The following ALAS1 variants were observed in gnomAD, a reference collection of about 807,000 sequenced individuals.
ALAS1 encodes 5'-aminolevulinate synthase 1.
In ALAS1, 29 loss-of-function variants were observed where a neutral mutation model predicts 59.6. The observed-to-expected ratio is 0.49, with a 90% confidence interval of 0.36 to 0.66. The LOEUF is 0.66. ALAS1 is among the 30% of genes least tolerant of loss of function. The pLI is 0.00. For synonymous variants in ALAS1, 299 were observed against 296.6 expected (o/e 1.01, Z -0.08); for missense variants, 690 against 807.5 (o/e 0.85, Z 1.76).
Position 52,214,059 on chromosome 3 carries a change from T to C in ALAS1, c.1802T>C (p.Leu601Pro). The change falls in exon 12 of 12, where the codon CTG becomes CCG. Residue 601 changes from leucine to proline, a missense_variant. Physicochemically the swap from Leu to Pro is moderately conservative, Grantham distance 98 (BLOSUM62 -3). Transcript: ENST00000484952. ...LVTWKQVGLELKPHSSAECNF... is the reference protein window; with the variant it reads ...LVTWKQVGLEPKPHSSAECNF... Reference sequence around the variant, plus strand: ...ACATGGAAGCAAGTGGGGCTGGAACTGAAGCCTCATTCCTCAGCTGAGTGC... The same window carrying C: ...ACATGGAAGCAAGTGGGGCTGGAACCGAAGCCTCATTCCTCAGCTGAGTGC... 1 of 1,612,814 alleles carries C rather than the reference T, an allele frequency of 6.2e-7. No homozygotes were observed. The highest frequency in any genetic ancestry group is 8.5e-7 in the Non-Finnish European group (1 of 1,178,800).
Position 52,205,844 on chromosome 3 carries a change from C to G in ALAS1, c.806C>G (p.Thr269Ser), listed in dbSNP as rs761933930. 3 of 1,607,176 alleles carry G rather than the reference C, an allele frequency of 1.9e-6. No homozygotes were observed. The highest frequency in any genetic ancestry group is 2.6e-6 in the Non-Finnish European group (3 of 1,176,026). The change falls in exon 7 of 12, where the codon ACT becomes AGT. Residue 269 changes from threonine (T) to serine (S), a missense_variant. Coordinates refer to ENST00000484952, the MANE Select transcript of ALAS1 (RefSeq NM_000688.6). ...HPRVCGAVMDTLKQHGAGAGG... is the reference protein window; with the variant it reads ...HPRVCGAVMDSLKQHGAGAGG... Reference sequence around the variant, plus strand: ...TTGTTTGTATTTTTAAACAGGGACACTTTGAAACAACATGGTGCTGGGGCA... The same window carrying G: ...TTGTTTGTATTTTTAAACAGGGACAGTTTGAAACAACATGGTGCTGGGGCA...
rs949059334 is a variant in ALAS1, at chr3:52,198,901, C to T, written c.-33+53C>T. The T allele has an allele frequency of 8.5e-6, 13 of 1,520,632 alleles. No homozygotes were observed. The African/African-American group carries it at 1.8e-4, about 21-fold the overall frequency. The allele number at this position is 1,520,632 out of a possible 1,614,324, so 94.2% of individuals were successfully genotyped here. On this transcript the variant is annotated intron_variant, in intron 2 of 11. Coordinates refer to ENST00000484952, the MANE Select transcript of ALAS1 (RefSeq NM_000688.6). ...TGCATCTCCCTAAGAAACCTCTGGC[C>T]TCCCAAACCTGTTCTTGACCTTTCC...
At position 52,207,955 on chromosome 3, in the gene ALAS1, A is replaced by C. The variant is rs571052407; in HGVS notation, c.1166-128A>C. 64 of 1,031,124 alleles carry C rather than the reference A, an allele frequency of 6.2e-5. 1 individual carries two copies. The Middle Eastern group carries it at 2.4e-3, about 39-fold the overall frequency. The allele number at this position is 1,031,124 out of a possible 1,614,324, so 63.9% of individuals were successfully genotyped here. On this transcript the variant is annotated intron_variant, in intron 8 of 11. Coordinates refer to ENST00000484952, the MANE Select transcript of ALAS1 (RefSeq NM_000688.6). The stretch of plus-strand genomic sequence containing the variant: ...CCCAGGTAACCTAGAAATTAGAGGA[A>C]GTTCATTTTCTTTCCAATATTGAAA...
rs367868239 is a variant in ALAS1 at position 52,206,508 on chromosome 3, C to T, written c.986-64C>T. 47 of 1,543,618 alleles carry T rather than the reference C, an allele frequency of 3.0e-5. No homozygotes were observed. In the African/African-American group the frequency reaches 6.1e-4, roughly 20 times the overall value. On this transcript the variant is annotated intron_variant, in intron 7 of 11. Coordinates refer to ENST00000484952, the MANE Select transcript of ALAS1 (RefSeq NM_000688.6). Reference sequence around the variant, plus strand: ...TCATTTCCAAGGAAAAGTCTGTTGTCTTTCTCTAGGAAATAATTTGTCTTC... The same window carrying T: ...TCATTTCCAAGGAAAAGTCTGTTGTTTTTCTCTAGGAAATAATTTGTCTTC...
At position 52,212,573 on chromosome 3, in the gene ALAS1, C is replaced by G. The variant is rs933474128; in HGVS notation, c.1762+153C>G. ...GAGACAAGAGTTTCGCTCTTGTTGC[C>G]CAGGCTGGAGTACAATGGCACAATC... On this transcript the variant is annotated intron_variant, in intron 11 of 11. Coordinates refer to ENST00000484952, the MANE Select transcript of ALAS1 (RefSeq NM_000688.6). 9.0e-6 allele frequency: 9 copies of G among 998,160 alleles called. No homozygotes were observed. The Admixed American group carries it at 1.7e-4, about 19-fold the overall frequency. 61.8% of individuals were successfully genotyped at this position (998,160 alleles called of 1,614,324 possible). A position where few individuals can be genotyped will look rare whatever the true frequency, so the allele number is the denominator to read the frequency against.
intron 11 of ALAS1, 79 bp from the exon 12 acceptor site, chr3:52,213,941 A>G: frequency 7.5e-7 from 1 of 1,337,484 alleles, no homozygotes; most frequent in African/African-American, 1.5e-5. Flanking sequence ...ATTTGTGTAC[A>G]AGTTTTTGTG....
At chr3:52,210,779 T>C (rs1246392383) in intron 9 of ALAS1, among the ~76,000 whole-genome samples, 3 of 146,864 alleles carry the variant, frequency 2.0e-5, no homozygotes, top group Admixed American at 6.8e-5. Flanking sequence ...ACCCTGTCTC[T>C]AAAAAAAAAA....
rs1414145741 is a variant in ALAS1 at position 52,214,318 on chromosome 3, T to G, written c.*138T>G. On this transcript the variant is annotated 3_prime_UTR_variant, in exon 12 of 12. Transcript: ENST00000484952. ...CATAGTCCTGGAAATAAATTCTTGCTTAAATGGTGGTTCTTTCTGCTATTG... is the reference window on the plus strand; with the variant it reads ...CATAGTCCTGGAAATAAATTCTTGCGTAAATGGTGGTTCTTTCTGCTATTG... 1 of 850,772 alleles carries G rather than the reference T, an allele frequency of 1.2e-6. No homozygotes were observed. Among genetic ancestry groups the G allele is most frequent in the East Asian group, 2.8e-5 (1 of 35,988 alleles). 52.7% of individuals were successfully genotyped at this position (850,772 alleles called of 1,614,324 possible). A position where few individuals can be genotyped will look rare whatever the true frequency, so the allele number is the denominator to read the frequency against.
Position 52,208,173 on chromosome 3 carries a change from ATGGGGCTCGAGGCGGAGGGAT to A in ALAS1, c.1262_1282del (p.Ala421_Gly427del). Reference sequence around the variant, plus strand: ...GATGAGGTCCACGCAGTGGGGCTTTATGGGGCTCGAGGCGGAGGGATTGGGGATCGGGATGGAGTCATGCCA... The same window carrying A: ...GATGAGGTCCACGCAGTGGGGCTTTATGGGGATCGGGATGGAGTCATGCCA... On this transcript the variant is annotated inframe_deletion, in exon 9 of 12. Coordinates refer to ENST00000484952, the MANE Select transcript of ALAS1 (RefSeq NM_000688.6). 6.2e-7 allele frequency: 1 copy of A among 1,613,858 alleles called. No homozygotes were observed. Among genetic ancestry groups the A allele is most frequent in the Non-Finnish European group, 8.5e-7 (1 of 1,179,834 alleles).
chr3:52,209,722 C>G (rs1431628491), intron 9 of ALAS1, among the ~76,000 whole-genome samples: 2 of 152,172 alleles, frequency 1.3e-5, no homozygotes, highest in Middle Eastern at 3.2e-3. Context: ...GAGACAGGCT[C>G]TCACTCTGTG....
In ALAS1 at chr3:52,208,256, A is replaced by G. The variant is rs892991513; in HGVS notation, c.1330+9A>G. On this transcript the variant is annotated intron_variant, in intron 9 of 11. Transcript: ENST00000484952. ...CATTTCTGGAACACTTGGTATGTAT[A>G]CATTGTATTACATACACTAAAATTC... 1.9e-6 allele frequency: 3 copies of G among 1,613,216 alleles called. No individual in the cohort carries two copies. In the Admixed American group the frequency reaches 5.0e-5, roughly 27 times the overall value.
intron 8 of ALAS1, 126 bp downstream of exon 8, chr3:52,206,877 C>A: frequency 9.6e-7 from 1 of 1,045,244 alleles, no homozygotes; most frequent in Non-Finnish European, 1.4e-6. Context: ...CTCTGTTGCC[C>A]AGGCAGGAGT....
rs765170135 is a variant in ALAS1, at chr3:52,204,887, C to T, written c.772C>T (p.Arg258Cys). The part of the protein sequence containing the change: ...WCSNDYLGMS[R>C]HPRVCGAVMD... The stretch of plus-strand genomic sequence containing the variant: ...CAGTAATGACTACCTAGGAATGAGT[C>T]GCCACCCACGGGTGTGTGGGGCAGT... The change falls in exon 6 of 12, where the codon CGC (arginine) becomes TGC (cysteine). Residue 258 changes from arginine (R) to cysteine (C), a missense_variant. By Grantham distance (180) the Arg-to-Cys change is radical. Transcript: ENST00000484952. 11 of 1,613,908 alleles carry T rather than the reference C, an allele frequency of 6.8e-6. No homozygotes were observed. Among genetic ancestry groups the T allele is most frequent in the Non-Finnish European group, 3.4e-6 (4 of 1,180,016 alleles).
In ALAS1 at chr3:52,198,382, G is replaced by T. The variant is rs72955286; in HGVS notation, c.-210+127G>T. 1.8e-3 allele frequency: 775 copies of T among 424,702 alleles called. 4 individuals are homozygous for T. Among genetic ancestry groups the T allele is most frequent in the African/African-American group, 0.015 (718 of 49,008 alleles). The allele number at this position is 424,702 out of a possible 1,614,324, so 26.3% of individuals were successfully genotyped here. On this transcript the variant is annotated intron_variant, in intron 1 of 11. Transcript: ENST00000484952. ...TGTCCCAGTCACCCGCCGCCTTGAG[G>T]TCAGCGTTTATCCTCCAGATCTTTT... is the stretch of plus-strand genomic sequence containing the variant.
In ALAS1 at chr3:52,204,081, T is replaced by C. The variant is rs1372174925; in HGVS notation, c.577+69T>C. ...ATTCAAATGTACATTAGATTAAATA[T>C]AAAATTGCATGGTGAGGCTGGGCAC... is the stretch of plus-strand genomic sequence containing the variant. On this transcript the variant is annotated intron_variant, in intron 5 of 11. Coordinates refer to ENST00000484952, the MANE Select transcript of ALAS1 (RefSeq NM_000688.6). The C allele has an allele frequency of 1.6e-5, 24 of 1,485,316 alleles. No homozygotes were observed. The Middle Eastern group carries it at 5.6e-4, about 35-fold the overall frequency. The allele number at this position is 1,485,316 out of a possible 1,614,324, so 92.0% of individuals were successfully genotyped here. A position where few individuals can be genotyped will look rare whatever the true frequency, so the allele number is the denominator to read the frequency against.
At chr3:52,207,652 G>A (rs1180922580) in intron 8 of ALAS1, among the ~76,000 whole-genome samples, 2 of 151,930 alleles carry the variant, frequency 1.3e-5, no homozygotes, top group South Asian at 2.1e-4. Context: ...CCCTCAAGTC[G>A]GTCCCTGGTG....
At chr3:52,208,572 G>A (rs1045702122) in intron 9 of ALAS1, among the ~76,000 whole-genome samples, 1 of 152,204 alleles carries the variant, frequency 6.6e-6, no homozygotes, top group Non-Finnish European at 1.5e-5. Context: ...AAAAGAAAAA[G>A]GAATTCTAGT....
chr3:52,214,231 G>A lies in ALAS1; in HGVS notation c.*51G>A, dbSNP rs375482359. On this transcript the variant is annotated 3_prime_UTR_variant, in exon 12 of 12. Coordinates refer to ENST00000484952, the MANE Select transcript of ALAS1 (RefSeq NM_000688.6). ...CCCCAGGCCATTATCATATCCAGAT[G>A]GTCTTCAGAGTTGTCTTTATATGTG... The A allele has an allele frequency of 6.8e-7, 1 of 1,478,044 alleles. No homozygotes were observed. Among genetic ancestry groups the A allele is most frequent in the Non-Finnish European group, 9.2e-7 (1 of 1,089,460 alleles). The allele number at this position is 1,478,044 out of a possible 1,614,324, so 91.6% of individuals were successfully genotyped here. A position where few individuals can be genotyped will look rare whatever the true frequency, so the allele number is the denominator to read the frequency against.
chr3:52,213,844 C>A (rs1348627072), intron 11 of ALAS1, among the ~76,000 whole-genome samples, 176 bp from the exon 12 acceptor site: 1 of 152,226 alleles, frequency 6.6e-6, no homozygotes, highest in East Asian at 1.9e-4. Flanking sequence ...TTCCATTGTA[C>A]AGATTTACCA....
Sources: gnomAD v4.1 joint callset for allele counts (sites outside exome capture counted in the v4.1 genomes callset) on GRCh38, gnomAD v4.1.1 for gene constraint, MANE v1.5 for transcripts, NCBI Gene and HGNC (gene_info 2026-07-23, HGNC 2026-07-21) for gene names.